COL11A1: variants seen among roughly 807,000 people sequenced by gnomAD.
COL11A1 encodes collagen type XI alpha 1 chain.
Under a neutral mutation model 265.2 loss-of-function variants are expected in COL11A1, and 74 were observed. The ratio of observed to expected loss-of-function variants is 0.28; its 90% CI spans 0.23 to 0.34. The LOEUF (loss-of-function observed/expected upper bound fraction) is 0.34, where lower values mean the gene tolerates loss of function less well. COL11A1 is among the 10% of genes least tolerant of loss of function. The pLI, the probability that COL11A1 is intolerant of heterozygous loss-of-function variation, is 1.00. For missense variants in COL11A1, 2,165 were observed against 2,263.6 expected (o/e 0.96, Z 0.88); for synonymous variants, 816 against 727.6 (o/e 1.12, Z -1.96).
intron 4 of COL11A1, among the ~76,000 whole-genome samples, chr1:103,035,852 T>C (rs1668327113): frequency 6.6e-6 from 1 of 151,916 alleles, no homozygotes; most frequent in African/African-American, 2.4e-5. Context: ...AGTAGGAGCA[T>C]CTCTAATATT....
At position 102,897,554 on chromosome 1, in the gene COL11A1, T is replaced by C. The variant is rs1652594214; in HGVS notation, c.4302+571A>G. On this transcript the variant is annotated intron_variant, in intron 57 of 66. Coordinates refer to ENST00000370096, the MANE Select transcript of COL11A1 (RefSeq NM_001854.4). ...TTGTATCAAGTATAGCCTCAGATCC[T>C]ATAATAAACTCCACCTATGAATAGT... Among the ~76,000 whole-genome samples, 5 of 152,244 alleles carry C rather than the reference T, an allele frequency of 3.3e-5. No homozygotes were observed. The South Asian group carries it at 1.0e-3, about 32-fold the overall frequency.
chr1:103,002,340 T>C (rs1665186143), intron 23 of COL11A1, 88 bp downstream of exon 23: 7 of 1,137,646 alleles, frequency 6.2e-6, no homozygotes, highest in East Asian at 5.0e-5. Context: ...TAGGACTACA[T>C]AGAAAATTGT....
At chr1:103,070,173 T>G (rs970733415) in intron 4 of COL11A1, among the ~76,000 whole-genome samples, 1 of 149,254 alleles carries the variant, frequency 6.7e-6, no homozygotes, top group Non-Finnish European at 1.5e-5. Flanking sequence ...GATGAAAAAA[T>G]TTTGGTGTAG....
intron 46 of COL11A1, among the ~76,000 whole-genome samples, chr1:102,925,631 G>T (rs1380044217): frequency 6.6e-6 from 1 of 151,966 alleles, no homozygotes; most frequent in Non-Finnish European, 1.5e-5. Context: ...GGAAGAAAAA[G>T]ACAGGTAGTA....
At chr1:102,981,968 A>C (rs1376551908) in intron 31 of COL11A1, among the ~76,000 whole-genome samples, 1 of 151,966 alleles carries the variant, frequency 6.6e-6, no homozygotes, top group Non-Finnish European at 1.5e-5. Context: ...TTAGTAAAAA[A>C]AAAATTTAAA....
rs886044969 is a variant in COL11A1, at chr1:102,876,780, A to G, written c.*1239T>C. On this transcript the variant is annotated 3_prime_UTR_variant, in exon 67 of 67. Coordinates refer to ENST00000370096, the MANE Select transcript of COL11A1 (RefSeq NM_001854.4). ...GTATTGCTATTTCAAGCTACCTTAAAGTAAATACCTTAGTGGAAAAAAAAG... is the reference window on the plus strand; with the variant it reads ...GTATTGCTATTTCAAGCTACCTTAAGGTAAATACCTTAGTGGAAAAAAAAG... 1 of 152,320 alleles carries G rather than the reference A, an allele frequency of 6.6e-6. No homozygotes were observed. Among genetic ancestry groups the G allele is most frequent in the Non-Finnish European group, 1.5e-5 (1 of 67,938 alleles). 9.4% of individuals were successfully genotyped at this position (152,320 alleles called of 1,614,324 possible). A position where few individuals can be genotyped will look rare whatever the true frequency, so the allele number is the denominator to read the frequency against.
intron 20 of COL11A1, among the ~76,000 whole-genome samples, chr1:103,003,564 C>T (rs116296541): frequency 4.6e-5 from 7 of 152,032 alleles, no homozygotes; most frequent in African/African-American, 1.2e-4. Context: ...TTCTATAAGA[C>T]ACTTTTGTGT....
chr1:102,985,451 G>A (rs1663444398), intron 30 of COL11A1, among the ~76,000 whole-genome samples: 1 of 151,988 alleles, frequency 6.6e-6, no homozygotes. Flanking sequence ...TTATAATGAT[G>A]TTCCCTTGGA....
At chr1:103,078,589 TTTG>T (rs1358700067) in intron 3 of COL11A1, 66 bp downstream of exon 3, 7 of 1,446,236 alleles carry the variant, frequency 4.8e-6, no homozygotes, top group Admixed American at 1.7e-5. Flanking sequence ...TTCATAAATA[TTTG>T]TTAAGTGACT....
intron 28 of COL11A1, among the ~76,000 whole-genome samples, chr1:102,989,801 T>C (rs1663947455): frequency 6.6e-6 from 1 of 152,128 alleles, no homozygotes; most frequent in African/African-American, 2.4e-5. Context: ...CTAGGACATT[T>C]TTCACAAATA....
At chr1:103,034,928 T>G (rs1177461570) in intron 4 of COL11A1, among the ~76,000 whole-genome samples, 1 of 152,142 alleles carries the variant, frequency 6.6e-6, no homozygotes, top group Non-Finnish European at 1.5e-5. Context: ...ATTCTCTAAG[T>G]AAGTAGTCTT....
intron 1 of COL11A1, among the ~76,000 whole-genome samples, chr1:103,103,142 T>C (rs1267172431): frequency 6.6e-6 from 1 of 152,000 alleles, no homozygotes; most frequent in African/African-American, 2.4e-5. Context: ...CGTTCTCTCC[T>C]ATTTTTTTCT....
chr1:103,031,208 T>C lies in COL11A1; in HGVS notation c.688A>G (p.Lys230Glu). 1 of 1,608,250 alleles carries C rather than the reference T, an allele frequency of 6.2e-7. No individual in the cohort carries two copies. Among genetic ancestry groups the C allele is most frequent in the East Asian group, 2.2e-5 (1 of 44,696 alleles). ...TGCTCACAGTAGTCATATGCTGCCTTGGGATCACCTGTGATCAAAAACTGC... is the reference window on the plus strand; with the variant it reads ...TGCTCACAGTAGTCATATGCTGCCTCGGGATCACCTGTGATCAAAAACTGC... Reference protein sequence around the residue: ...IQQFLITGDPKAAYDYCEHYS... With the variant: ...IQQFLITGDPEAAYDYCEHYS... Residue 230 changes from lysine to glutamate, a missense_variant, in exon 5 of 67, where the codon AAG becomes GAG. Lys to Glu is a moderately conservative substitution (Grantham distance 56). Transcript: ENST00000370096.
In COL11A1 at chr1:103,025,605, G is replaced by A. The variant is rs746688584; in HGVS notation, c.906C>T (p.Ile302=). 16 of 1,612,900 alleles carry A rather than the reference G, an allele frequency of 9.9e-6. No individual in the cohort carries two copies. Among genetic ancestry groups the A allele is most frequent in the Admixed American group, 3.3e-5 (2 of 59,988 alleles). ...EETIAQTEAN[I]VDDFQEYNYG... Reference sequence around the variant, plus strand: ...AGTTGTATTCTTGAAAATCATCAACGATGTTTGCCTAATGGTAAATTCAGA... The same window carrying A: ...AGTTGTATTCTTGAAAATCATCAACAATGTTTGCCTAATGGTAAATTCAGA... The change falls in exon 7 of 67, where the codon ATC becomes ATT. Residue 302 remains isoleucine, a synonymous_variant. Transcript: ENST00000370096.
intron 4 of COL11A1, among the ~76,000 whole-genome samples, chr1:103,070,853 T>A (rs1295604625): frequency 1.3e-5 from 2 of 151,972 alleles, no homozygotes; most frequent in African/African-American, 4.8e-5. Context: ...AACTTTTAAG[T>A]GTGTATATTG....
Position 102,899,031 on chromosome 1 carries a change from A to T in COL11A1, c.4087-37T>A, listed in dbSNP as rs183807292. ...AGATTTATTGTAAAATATGTATCAC[A>T]TATAAAAGTAATGTTAATGAGCACT... On this transcript the variant is annotated intron_variant, in intron 54 of 66. Coordinates refer to ENST00000370096, the MANE Select transcript of COL11A1 (RefSeq NM_001854.4). 2.7e-5 allele frequency: 33 copies of T among 1,243,146 alleles called. No homozygotes were observed. The Admixed American group carries it at 3.9e-4, about 15-fold the overall frequency. 77.0% of individuals were successfully genotyped at this position (1,243,146 alleles called of 1,614,324 possible). A position where few individuals can be genotyped will look rare whatever the true frequency, so the allele number is the denominator to read the frequency against.
At chr1:102,917,307 CCTAT>C (rs2101048244) in intron 49 of COL11A1, among the ~76,000 whole-genome samples, 1 of 152,044 alleles carries the variant, frequency 6.6e-6, no homozygotes, top group East Asian at 1.9e-4. Flanking sequence ...AAACTAGACT[CCTAT>C]CTCTTACCAT....
intron 60 of COL11A1, 53 bp downstream of exon 60, chr1:102,888,813 G>A: frequency 6.2e-7 from 1 of 1,612,532 alleles, no homozygotes; most frequent in Non-Finnish European, 8.5e-7. Context: ...TTGTGTCTCT[G>A]TTATATTTGT....
At chr1:103,063,121 G>A (rs1317363088) in intron 4 of COL11A1, among the ~76,000 whole-genome samples, 1 of 152,018 alleles carries the variant, frequency 6.6e-6, no homozygotes, top group Non-Finnish European at 1.5e-5. Context: ...ACTCAATACT[G>A]TCAAGATGTC....
Sources: allele counts gnomAD v4.1 joint callset (sites outside exome capture counted in the v4.1 genomes callset), GRCh38; gene constraint gnomAD v4.1.1; transcripts MANE v1.5; gene names NCBI Gene and HGNC (gene_info 2026-07-23, HGNC 2026-07-21).